Variants in MFSD11 observed in about 807,000 individuals in gnomAD.
MFSD11 encodes the protein UNC93-like protein MFSD11.
In MFSD11, 36 loss-of-function variants were observed where a neutral mutation model predicts 53.5. That is an observed-to-expected ratio of 0.67 (90% CI 0.52 to 0.89). The LOEUF is 0.89. Ranked by LOEUF, MFSD11 falls within the 40% of genes least tolerant of loss-of-function variation. MFSD11 has a pLI of 0.00. For missense variants in MFSD11, 530 were observed against 543.9 expected (o/e 0.97, Z 0.25); for synonymous variants, 186 against 184.9 (o/e 1.01, Z -0.05).
At chr17:76,783,853 C>T (rs1394923274), downstream of MFSD11, among the ~76,000 whole-genome samples, 1 of 151,996 alleles carries the variant, frequency 6.6e-6, no homozygotes, top group Non-Finnish European at 1.5e-5. Context: ...CATGAGCCCC[C>T]ACTCCTGACC....
chr17:76,737,961 C>T (rs867813792), upstream of MFSD11: 17 of 246,952 alleles, frequency 6.9e-5, no homozygotes, highest in Middle Eastern at 3.6e-3. Context: ...GCGGCCGGCG[C>T]CGCGGCTGCG....
chr17:76,755,714 A>G (rs2079494294), intron 8 of MFSD11, among the ~76,000 whole-genome samples: 1 of 138,782 alleles, frequency 7.2e-6, no homozygotes, highest in African/African-American at 2.6e-5. Context: ...ATATATGTGT[A>G]TATATATGTG....
chr17:76,754,926 ATAATT>A (rs1230541970), intron 8 of MFSD11, among the ~76,000 whole-genome samples: 1 of 152,120 alleles, frequency 6.6e-6, no homozygotes, highest in Non-Finnish European at 1.5e-5. Flanking sequence ...GAGAAATTAA[ATAATT>A]TAAGGGCCAG....
chr17:76,743,993 C>T (rs755288411), intron 6 of MFSD11, among the ~76,000 whole-genome samples: 1 of 152,170 alleles, frequency 6.6e-6, no homozygotes, highest in African/African-American at 2.4e-5. Flanking sequence ...GAAGGTTATG[C>T]TGTGCACGAG....
At chr17:76,768,057 C>G (rs926624468) in intron 9 of MFSD11, among the ~76,000 whole-genome samples, 4 of 152,164 alleles carry the variant, frequency 2.6e-5, no homozygotes, top group Non-Finnish European at 5.9e-5. Flanking sequence ...AATCCCAGCA[C>G]TTTGGGAGGC....
intron 10 of MFSD11, among the ~76,000 whole-genome samples, chr17:76,771,340 CA>C (rs2081360555): frequency 6.6e-6 from 1 of 152,146 alleles, no homozygotes; most frequent in Non-Finnish European, 1.5e-5. Flanking sequence ...CAGCAAAGAC[CA>C]AATATGTATT....
At chr17:76,739,104 C>T (rs2077792099) in intron 2 of MFSD11, 111 bp downstream of exon 2, 3 of 829,780 alleles carry the variant, frequency 3.6e-6, no homozygotes, top group African/African-American at 1.7e-5. Flanking sequence ...ATGGCATTTT[C>T]TCTTCTCAGT....
At chr17:76,792,512 C>G in the MFSD11 span, among the ~76,000 whole-genome samples, 1 of 150,772 alleles carries the variant, frequency 6.6e-6, no homozygotes, top group East Asian at 1.9e-4. Context: ...AAACCATTAT[C>G]CCCATTTTAT....
intron 8 of MFSD11, among the ~76,000 whole-genome samples, chr17:76,758,784 C>T (rs1258312365): frequency 6.6e-6 from 1 of 151,998 alleles, no homozygotes. Flanking sequence ...ATTGTTACAA[C>T]TTAAGTATAA....
At chr17:76,767,125 C>T (rs1374181776) in intron 8 of MFSD11, 6 of 354,756 alleles carry the variant, frequency 1.7e-5, no homozygotes, top group Non-Finnish European at 2.5e-5. Context: ...TTTTTTTCTT[C>T]CTTTTCATGT....
chr17:76,777,222 C>T (rs559702119), intron 12 of MFSD11, among the ~76,000 whole-genome samples: 51 of 151,272 alleles, frequency 3.4e-4, no homozygotes, highest in African/African-American at 1.0e-3. Flanking sequence ...GAGCCCAGAC[C>T]GCGCCACTGC....
At chr17:76,755,950 A>G (rs2079580719) in intron 8 of MFSD11, among the ~76,000 whole-genome samples, 1 of 145,916 alleles carries the variant, frequency 6.9e-6, no homozygotes, top group Non-Finnish European at 1.5e-5. Context: ...CAGCCTCCCA[A>G]GTAGCTGGGA....
Position 76,776,339 on chromosome 17 carries a change from T to C in MFSD11, c.1050-67T>C. The C allele has an allele frequency of 6.5e-7, 1 of 1,527,946 alleles. No individual in the cohort carries two copies. Among genetic ancestry groups the C allele is most frequent in the Non-Finnish European group, 8.9e-7 (1 of 1,127,438 alleles). 94.6% of individuals were successfully genotyped at this position (1,527,946 alleles called of 1,614,324 possible). Reference sequence around the variant, plus strand: ...CAGGTAGAATTCTTTTGTGGGTGGGTTGCTTGTATATTTTAAATGGCTCTA... The same window carrying C: ...CAGGTAGAATTCTTTTGTGGGTGGGCTGCTTGTATATTTTAAATGGCTCTA... On this transcript the variant is annotated intron_variant, in intron 11 of 12. Transcript: ENST00000685175. This position sits in a 1 kb window ranked among gnomAD's most constrained non-coding sequence, Gnocchi z 4.2.
At chr17:76,766,042 G>C (rs2080819778) in intron 8 of MFSD11, among the ~76,000 whole-genome samples, 2 of 150,184 alleles carry the variant, frequency 1.3e-5, no homozygotes, top group Non-Finnish European at 1.5e-5. Flanking sequence ...AATATATAAT[G>C]ACATGCATTC....
chr17:76,737,525 G>A, upstream of MFSD11: 1 of 292,724 alleles, frequency 3.4e-6, no homozygotes, highest in Non-Finnish European at 6.4e-6. Flanking sequence ...CACGGCTGGA[G>A]GGAGGGGGAG....
intron 2 of MFSD11, among the ~76,000 whole-genome samples, chr17:76,740,333 T>C (rs1270175190): frequency 6.6e-6 from 1 of 152,170 alleles, no homozygotes; most frequent in African/African-American, 2.4e-5. Context: ...ACAAGACATA[T>C]GTACTAGGGC....
At chr17:76,763,688 T>A (rs1365787933) in intron 8 of MFSD11, among the ~76,000 whole-genome samples, 1 of 152,172 alleles carries the variant, frequency 6.6e-6, no homozygotes, top group Non-Finnish European at 1.5e-5. Context: ...TCCCATTTTG[T>A]TTCAGCAAAC....
At chr17:76,755,444 A>G (rs1217500635) in intron 8 of MFSD11, among the ~76,000 whole-genome samples, 4 of 151,938 alleles carry the variant, frequency 2.6e-5, no homozygotes, top group Non-Finnish European at 4.4e-5. Flanking sequence ...CATTAAGCCT[A>G]TTGTAGGCCA....
chr17:76,765,007 T>C, intron 8 of MFSD11, among the ~76,000 whole-genome samples: 1 of 152,228 alleles, frequency 6.6e-6, no homozygotes, highest in Non-Finnish European at 1.5e-5. Flanking sequence ...ATAAAGTTTT[T>C]AATTTTGATG....
Sources: allele counts gnomAD v4.1 joint callset (sites outside exome capture counted in the v4.1 genomes callset), GRCh38; gene constraint gnomAD v4.1.1; non-coding constraint Gnocchi (gnomAD v3.1); transcripts MANE v1.5; gene names NCBI Gene and HGNC (gene_info 2026-07-23, HGNC 2026-07-21).